The following TMEM87A variants were observed in gnomAD, a reference collection of about 807,000 sequenced individuals.
TMEM87A encodes Golgi-pH regulating cation channel.
A neutral mutation model predicts 90.0 loss-of-function variants in TMEM87A; 50 were observed. The ratio of observed to expected loss-of-function variants is 0.56; its 90% CI spans 0.44 to 0.70. The LOEUF is 0.70. Ranked by LOEUF, TMEM87A falls within the 30% of genes least tolerant of loss-of-function variation. The probability of loss-of-function intolerance (pLI) is 0.00; values close to 1 mark genes in which losing one functional copy is unlikely to be tolerated. For synonymous variants in TMEM87A, 226 were observed against 226.7 expected (o/e 1.00, Z 0.03); for missense variants, 577 against 660.5 (o/e 0.87, Z 1.39).
At chr15:42,221,768 TG>T (rs2140919146) in intron 15 of TMEM87A, among the ~76,000 whole-genome samples, 1 of 152,258 alleles carries the variant, frequency 6.6e-6, no homozygotes, top group East Asian at 1.9e-4. Context: ...AAAATTTTTT[TG>T]AGACAGGGTC....
intron 15 of TMEM87A, among the ~76,000 whole-genome samples, chr15:42,221,668 G>C (rs1202620559): frequency 6.6e-6 from 1 of 151,736 alleles, no homozygotes; most frequent in African/African-American, 2.4e-5. Context: ...CCAGAAGTTT[G>C]AGTCTAGCCT....
intron 19 of TMEM87A, among the ~76,000 whole-genome samples, chr15:42,213,763 C>T (rs774944982): frequency 2.6e-5 from 4 of 152,116 alleles, no homozygotes; most frequent in Non-Finnish European, 4.4e-5. Context: ...TGTACAATGC[C>T]AGTCCATGAA....
intron 6 of TMEM87A, among the ~76,000 whole-genome samples, chr15:42,254,655 A>C (rs1338416259): frequency 6.6e-6 from 1 of 152,230 alleles, no homozygotes; most frequent in African/African-American, 2.4e-5. Flanking sequence ...GGAAAAGGCA[A>C]AACTATGAAG....
intron 19 of TMEM87A, among the ~76,000 whole-genome samples, chr15:42,216,175 C>A (rs1201091646): frequency 6.6e-6 from 1 of 152,068 alleles, no homozygotes; most frequent in East Asian, 1.9e-4. Context: ...TATGAGTTAT[C>A]TAAAATAGAA....
At chr15:42,232,012 A>T in intron 11 of TMEM87A, 7 of 527,410 alleles carry the variant, frequency 1.3e-5, no homozygotes, top group Non-Finnish European at 1.8e-5. Flanking sequence ...GTGATTTGAA[A>T]AGCAAATGTG....
chr15:42,224,844 G>A (rs2050560297), intron 15 of TMEM87A, among the ~76,000 whole-genome samples: 1 of 152,080 alleles, frequency 6.6e-6, no homozygotes, highest in African/African-American at 2.4e-5. Context: ...ATTATAATAT[G>A]CAGTTAACAC....
At chr15:42,264,700 T>TATATATATATATA (rs35725330) in intron 3 of TMEM87A, among the ~76,000 whole-genome samples, 2 of 5,154 alleles carry the variant, frequency 3.9e-4, no homozygotes, top group African/African-American at 2.7e-4. Context: ...TATATATATA[T>TATATATATATATA]TTTTTTTTTA....
chr15:42,251,630 G>A (rs980501353), intron 6 of TMEM87A, among the ~76,000 whole-genome samples: 1 of 152,034 alleles, frequency 6.6e-6, no homozygotes, highest in Non-Finnish European at 1.5e-5. Flanking sequence ...TCATCTCAGA[G>A]GGACACCCAG....
At chr15:42,220,404 C>T (rs2050455921) in intron 15 of TMEM87A, among the ~76,000 whole-genome samples, 3 of 152,156 alleles carry the variant, frequency 2.0e-5, no homozygotes, top group Admixed American at 2.0e-4. Context: ...TACCCAGTTT[C>T]CTCAACTGTA....
rs374248953 is a variant in TMEM87A at position 42,264,697 on chromosome 15, A to T, written c.292-494T>A. 7.4e-3 allele frequency among the ~76,000 whole-genome samples: 123 copies of T among 16,722 alleles called. 1 individual carries two copies. The highest frequency in any genetic ancestry group is 9.1e-3 in the African/African-American group (121 of 13,272). 11.0% of individuals were successfully genotyped at this position (16,722 alleles called of 152,430 possible). On this transcript the variant is annotated intron_variant, in intron 3 of 19. Coordinates refer to ENST00000389834, the MANE Select transcript of TMEM87A (RefSeq NM_015497.5). ...TATATGTGTGTGTATATATATATATATATTTTTTTTTTAACTTTTATTTTA... is the reference window on the plus strand; with the variant it reads ...TATATGTGTGTGTATATATATATATTTATTTTTTTTTTAACTTTTATTTTA...
Position 42,273,402 on chromosome 15 carries a change from C to T in TMEM87A, c.-4G>A, listed in dbSNP as rs371967261. 175 of 1,613,844 alleles carry T rather than the reference C, an allele frequency of 1.1e-4. No homozygotes were observed. The highest frequency in any genetic ancestry group is 1.4e-4 in the Non-Finnish European group (163 of 1,180,034). On this transcript the variant is annotated 5_prime_UTR_variant, in exon 1 of 20. An upstream open reading frame in the 5' UTR loses its in-frame stop. Coordinates refer to ENST00000389834, the MANE Select transcript of TMEM87A (RefSeq NM_015497.5). Reference sequence around the variant, plus strand: ...GAAGCCACGCAGCCGCCGCCATCTTCACAGCCGTGGAGTGCCTACCGAAAG... The same window carrying T: ...GAAGCCACGCAGCCGCCGCCATCTTTACAGCCGTGGAGTGCCTACCGAAAG...
chr15:42,246,420 T>C (rs1258233657), intron 6 of TMEM87A, among the ~76,000 whole-genome samples: 1 of 152,182 alleles, frequency 6.6e-6, no homozygotes, highest in African/African-American at 2.4e-5. Flanking sequence ...ACATTAGGTA[T>C]TTCTCCTAAT....
intron 6 of TMEM87A, among the ~76,000 whole-genome samples, chr15:42,245,355 T>C (rs1200347677): frequency 3.9e-5 from 6 of 152,102 alleles, no homozygotes; most frequent in African/African-American, 9.7e-5. Flanking sequence ...CTATTAATCA[T>C]ATATGTCTTA....
intron 4 of TMEM87A, among the ~76,000 whole-genome samples, chr15:42,261,758 C>T (rs1485603474): frequency 6.6e-6 from 1 of 151,934 alleles, no homozygotes; most frequent in African/African-American, 2.4e-5. Context: ...CTCAGCCTCC[C>T]GAATAGCTGG....
intron 1 of TMEM87A, 32 bp downstream of exon 1, chr15:42,273,223 T>C (rs370752042): frequency 9.3e-6 from 15 of 1,612,664 alleles, no homozygotes; most frequent in African/African-American, 6.7e-5. Context: ...CTTGCTCCTC[T>C]AGGTTCAGAC....
At chr15:42,270,519 C>A (rs930495855) in intron 2 of TMEM87A, among the ~76,000 whole-genome samples, 1 of 152,094 alleles carries the variant, frequency 6.6e-6, no homozygotes, top group Admixed American at 6.6e-5. Context: ...TCGCTTGAAC[C>A]TGGGAGGTGG....
At chr15:42,220,412 G>A (rs1023931473) in intron 15 of TMEM87A, among the ~76,000 whole-genome samples, 1 of 152,154 alleles carries the variant, frequency 6.6e-6, no homozygotes, top group African/African-American at 2.4e-5. Flanking sequence ...TTCCTCAACT[G>A]TAAATAAGGG....
chr15:42,258,088 G>T lies in TMEM87A; in HGVS notation c.504+2870C>A, dbSNP rs190936800. The T allele has an allele frequency of 3.0e-4, 294 of 978,236 alleles. 1 individual carries two copies. In the Middle Eastern group the frequency reaches 3.2e-3, roughly 11 times the overall value. 60.6% of individuals were successfully genotyped at this position (978,236 alleles called of 1,614,324 possible). On this transcript the variant is annotated intron_variant, in intron 6 of 19. Transcript: ENST00000389834. The stretch of plus-strand genomic sequence containing the variant: ...ACACTGCATAAAATTCCAAGATAAT[G>T]AAACTCATAAAAGTTCAAGAACAGA...
chr15:42,216,577 A>C (rs2050387112), intron 19 of TMEM87A, among the ~76,000 whole-genome samples: 1 of 152,250 alleles, frequency 6.6e-6, no homozygotes, highest in Non-Finnish European at 1.5e-5. Context: ...CTGAAGTACA[A>C]GGGAAGCCTT....
Sources: gnomAD v4.1 joint callset for allele counts (sites outside exome capture counted in the v4.1 genomes callset) on GRCh38, gnomAD v4.1.1 for gene constraint, MANE v1.5 for transcripts, NCBI Gene and HGNC (gene_info 2026-07-23, HGNC 2026-07-21) for gene names.